Variants in FOXP1 observed in about 807,000 individuals in gnomAD.
FOXP1 encodes the protein forkhead box protein P1.
FOXP1 carries 15 observed loss-of-function variants against 98.2 expected under a neutral mutation model. That is an observed-to-expected ratio of 0.15 (90% CI 0.10 to 0.24). The LOEUF (loss-of-function observed/expected upper bound fraction) is 0.24. FOXP1 is among the 10% of genes least tolerant of loss of function. The pLI, the probability that FOXP1 is intolerant of heterozygous loss-of-function variation, is 1.00. For synonymous variants in FOXP1, 371 were observed against 314.5 expected (o/e 1.18, Z -1.90); for missense variants, 633 against 848.5 (o/e 0.75, Z 3.15).
chr3:71,265,377 T>G (rs1253677733), intron 5 of FOXP1, among the ~76,000 whole-genome samples: 2 of 152,312 alleles, frequency 1.3e-5, no homozygotes, highest in Non-Finnish European at 2.9e-5. Flanking sequence ...AGAACTGATG[T>G]AAAGAATGGC....
At chr3:71,245,299 T>A (rs2067643241) in intron 5 of FOXP1, 1 of 152,182 alleles carries the variant, frequency 6.6e-6, no homozygotes. Context: ...AATGGAATTT[T>A]TTTTTCTCCA....
intron 11 of FOXP1, among the ~76,000 whole-genome samples, chr3:71,017,218 T>C (rs1028196451): frequency 1.3e-5 from 2 of 152,116 alleles, no homozygotes; most frequent in Non-Finnish European, 2.9e-5. Flanking sequence ...CTATTTGTGT[T>C]CATCTTCAGA....
chr3:71,522,916 A>C (rs1431240135), intron 2 of FOXP1, among the ~76,000 whole-genome samples: 3 of 152,214 alleles, frequency 2.0e-5, no homozygotes, highest in Non-Finnish European at 4.4e-5. Context: ...CAGGAGCCGC[A>C]GTACTTACAC....
chr3:71,028,523 C>T (rs2046431687), intron 11 of FOXP1, among the ~76,000 whole-genome samples: 1 of 152,270 alleles, frequency 6.6e-6, no homozygotes, highest in African/African-American at 2.4e-5. Context: ...CTTAAGTTTT[C>T]TCATGGTTTG....
intron 4 of FOXP1, chr3:71,304,681 TTAGA>T (rs1418598792): frequency 6.6e-6 from 1 of 152,214 alleles, no homozygotes; most frequent in Non-Finnish European, 1.5e-5. Flanking sequence ...ATACTTACAA[TTAGA>T]TAGAGTATTT....
At chr3:71,439,115 A>C (rs2085658554) in intron 3 of FOXP1, among the ~76,000 whole-genome samples, 1 of 152,216 alleles carries the variant, frequency 6.6e-6, no homozygotes, top group Non-Finnish European at 1.5e-5. Flanking sequence ...GCAGACAGGC[A>C]GTGAGGGTGC....
At chr3:71,180,693 AAAG>A (rs1236175480) in intron 6 of FOXP1, among the ~76,000 whole-genome samples, 6 of 152,200 alleles carry the variant, frequency 3.9e-5, no homozygotes, top group Admixed American at 2.0e-4. Context: ...CCTTTTTTAA[AAAG>A]AAGAACCTGG....
At chr3:71,066,091 C>CAAAAA (rs34279433) in intron 7 of FOXP1, among the ~76,000 whole-genome samples, 2 of 104,990 alleles carry the variant, frequency 1.9e-5, no homozygotes, top group East Asian at 2.6e-4. Context: ...TATTTGCCTT[C>CAAAAA]AAAAAAAAAA....
intron 3 of FOXP1, among the ~76,000 whole-genome samples, chr3:71,373,219 T>TA (rs2079469965): frequency 6.6e-6 from 1 of 152,272 alleles, no homozygotes; most frequent in Non-Finnish European, 1.5e-5. Flanking sequence ...GGACCACACC[T>TA]AAAAGCTGAC....
chr3:71,471,526 TC>T (rs1196226903), intron 3 of FOXP1, among the ~76,000 whole-genome samples: 1 of 152,174 alleles, frequency 6.6e-6, no homozygotes, highest in Admixed American at 6.5e-5. Context: ...TTCTAGTCAT[TC>T]CACAAAGGAT....
intron 3 of FOXP1, among the ~76,000 whole-genome samples, chr3:71,438,068 G>A (rs193146501): frequency 4.1e-4 from 63 of 152,290 alleles, no homozygotes; most frequent in Non-Finnish European, 5.9e-4. Flanking sequence ...TTATATGAAA[G>A]TAATGGGATA....
In FOXP1 at chr3:71,566,764, T is replaced by A. The variant is rs192373055; in HGVS notation, c.-298+14785A>T. ...CTCCATTGATTTTGAAAGAGCACCC[T>A]CCTGAAGGCGCTGGGCTGACACCAG... is the stretch of plus-strand genomic sequence containing the variant. On this transcript the variant is annotated intron_variant, in intron 2 of 20. Coordinates refer to ENST00000649528, the MANE Select transcript of FOXP1 (RefSeq NM_001349338.3). Among the ~76,000 whole-genome samples the A allele has an allele frequency of 3.6e-4, 55 of 152,308 alleles. 1 individual carries two copies. The East Asian group carries it at 6.4e-3, about 18-fold the overall frequency.
chr3:71,331,183 C>T (rs868381892), intron 4 of FOXP1, among the ~76,000 whole-genome samples: 3 of 152,320 alleles, frequency 2.0e-5, no homozygotes, highest in South Asian at 2.1e-4. Context: ...TGTGGGCCAG[C>T]GCGAGTTCTG....
At chr3:71,432,240 T>C (rs1209455112) in intron 3 of FOXP1, among the ~76,000 whole-genome samples, 1 of 152,200 alleles carries the variant, frequency 6.6e-6, no homozygotes, top group Admixed American at 6.5e-5. Flanking sequence ...ACGGCTGACC[T>C]TGTCGTGGCC....
intron 2 of FOXP1, among the ~76,000 whole-genome samples, chr3:71,547,960 GC>G (rs936818032): frequency 3.3e-5 from 5 of 152,216 alleles, no homozygotes; most frequent in Non-Finnish European, 7.3e-5. Context: ...GACTTAGCCA[GC>G]CCCAGGTCAG....
At chr3:71,086,239 T>A (rs1365715245) in intron 7 of FOXP1, among the ~76,000 whole-genome samples, 1 of 152,178 alleles carries the variant, frequency 6.6e-6, no homozygotes, top group Non-Finnish European at 1.5e-5. Flanking sequence ...GTGTCTCATG[T>A]TGACAACTGG....
Position 71,583,723 on chromosome 3 carries a change from G to C in FOXP1, c.-599C>G, listed in dbSNP as rs1578287613. ...TCCCGGGCGAGGGCCGGGCCGCCGC[G>C]AGTACAGCGTGCAACCGCCACACAA... On this transcript the variant is annotated 5_prime_UTR_variant, in exon 1 of 21. Coordinates refer to ENST00000649528, the MANE Select transcript of FOXP1 (RefSeq NM_001349338.3). 6 of 985,194 alleles carry C rather than the reference G, an allele frequency of 6.1e-6. No homozygotes were observed. The highest frequency in any genetic ancestry group is 6.0e-6 in the Non-Finnish European group (5 of 829,930). 61.0% of individuals were successfully genotyped at this position (985,194 alleles called of 1,614,324 possible). A position where few individuals can be genotyped will look rare whatever the true frequency, so the allele number is the denominator to read the frequency against.
At chr3:71,053,435 C>T (rs1470451993) in intron 8 of FOXP1, among the ~76,000 whole-genome samples, 1 of 152,158 alleles carries the variant, frequency 6.6e-6, no homozygotes, top group East Asian at 1.9e-4. Flanking sequence ...AAACACTAGT[C>T]ACCATGGCAG....
At chr3:71,038,223 C>T (rs1559784368) in intron 11 of FOXP1, among the ~76,000 whole-genome samples, 1 of 152,182 alleles carries the variant, frequency 6.6e-6, no homozygotes, top group South Asian at 2.1e-4. Flanking sequence ...AACAGTAACT[C>T]TCACAACACT....
Sources: gnomAD v4.1 joint callset for allele counts (sites outside exome capture counted in the v4.1 genomes callset) on GRCh38, gnomAD v4.1.1 for gene constraint, MANE v1.5 for transcripts, NCBI Gene and HGNC (gene_info 2026-07-23, HGNC 2026-07-21) for gene names.